Variants in SYT17 observed in about 807,000 individuals in gnomAD.
SYT17 encodes synaptotagmin 17.
A neutral mutation model predicts 46.7 loss-of-function variants in SYT17; 22 were observed. That is an observed-to-expected ratio of 0.47 (90% CI 0.34 to 0.67). The LOEUF (loss-of-function observed/expected upper bound fraction) is 0.67, where lower values mean the gene tolerates loss of function less well. SYT17 is among the 30% of genes least tolerant of loss of function. SYT17 has a pLI of 0.01. For missense variants in SYT17, 519 were observed against 612.8 expected, an observed-to-expected ratio of 0.85 and a Z score of 1.62; for synonymous variants, 251 against 248.4, an observed-to-expected ratio of 1.01 and a Z score of -0.10.
At position 19,251,295 on chromosome 16, in the gene SYT17, C is replaced by T. The variant is rs181040662; in HGVS notation, c.1229-15585C>T. 3.3e-5 allele frequency among the ~76,000 whole-genome samples: 5 copies of T among 152,312 alleles called. No individual in the cohort carries two copies. The East Asian group carries it at 7.7e-4, about 24-fold the overall frequency. On this transcript the variant is annotated intron_variant, in intron 7 of 7. Coordinates refer to ENST00000355377, the MANE Select transcript of SYT17 (RefSeq NM_016524.4). The stretch of plus-strand genomic sequence containing the variant: ...CACAGGCTGGGTCCCAGGTGGGCCT[C>T]CTCCTGTCACTGGGATTTGACACCT...
At chr16:19,205,373 C>T (rs1965626854) in intron 5 of SYT17, among the ~76,000 whole-genome samples, 3 of 152,122 alleles carry the variant, frequency 2.0e-5, no homozygotes, top group Non-Finnish European at 4.4e-5. Context: ...TGCTGTCCCC[C>T]CAGATACCTT....
rs375022285 is a variant in SYT17 at position 19,267,046 on chromosome 16, C to T, written c.1395C>T (p.Arg465=). Residue 465 remains arginine (R), a synonymous_variant, in exon 8 of 8, where the codon CGC becomes CGT. Coordinates refer to ENST00000355377, the MANE Select transcript of SYT17 (RefSeq NM_016524.4). ...TGAGGTCCCGAGCTGAGTGTGACCGCGTGTCTCCTGCCTCCCTGGAGGTGA... is the reference window on the plus strand; with the variant it reads ...TGAGGTCCCGAGCTGAGTGTGACCGTGTGTCTCCTGCCTCCCTGGAGGTGA... ...HSLRSRAECD[R]VSPASLEVT The T allele has an allele frequency of 2.5e-5, 41 of 1,609,112 alleles. No individual in the cohort carries two copies. The highest frequency in any genetic ancestry group is 3.1e-5 in the Non-Finnish European group (36 of 1,179,098).
chr16:19,227,133 T>C (rs1426935258), intron 7 of SYT17, among the ~76,000 whole-genome samples: 1 of 152,148 alleles, frequency 6.6e-6, no homozygotes, highest in Non-Finnish European at 1.5e-5. Flanking sequence ...TTCAGTGAGA[T>C]CAATAAACAC....
At chr16:19,224,627 G>A (rs1356099613) in intron 6 of SYT17, 56 bp from the exon 7 acceptor site, 8 of 1,585,728 alleles carry the variant, frequency 5.0e-6, no homozygotes, top group Non-Finnish European at 6.0e-6. Flanking sequence ...CAGAATGACT[G>A]GACGGATTAG....
chr16:19,230,897 T>C (rs1966656026), intron 7 of SYT17, among the ~76,000 whole-genome samples: 1 of 152,226 alleles, frequency 6.6e-6, no homozygotes, highest in South Asian at 2.1e-4. Context: ...GAAAGTCCTC[T>C]TTAAATATGA....
At chr16:19,196,210 T>A (rs1213198377) in intron 5 of SYT17, among the ~76,000 whole-genome samples, 1 of 151,796 alleles carries the variant, frequency 6.6e-6, no homozygotes, top group Non-Finnish European at 1.5e-5. Flanking sequence ...ACTTTGGTCA[T>A]AACCATGCCC....
At chr16:19,197,576 G>A (rs905472409) in intron 5 of SYT17, among the ~76,000 whole-genome samples, 49 of 152,056 alleles carry the variant, frequency 3.2e-4, no homozygotes, top group African/African-American at 1.1e-3. Context: ...AGCCTCCTGA[G>A]TAGCTGGGAC....
At chr16:19,184,816 T>C (rs928123078) in intron 5 of SYT17, among the ~76,000 whole-genome samples, 7 of 152,142 alleles carry the variant, frequency 4.6e-5, no homozygotes, top group African/African-American at 1.7e-4. Flanking sequence ...CTTTCAGAAA[T>C]TGATTTTTTT....
At chr16:19,191,205 C>CTT (rs903841347) in intron 5 of SYT17, among the ~76,000 whole-genome samples, 14 of 151,860 alleles carry the variant, frequency 9.2e-5, no homozygotes, top group African/African-American at 1.7e-4. Flanking sequence ...TAAACAAACA[C>CTT]TGAACTCTGG....
In SYT17 at chr16:19,211,532, G is replaced by A. The variant is rs1451343382; in HGVS notation, c.952-11513G>A. The A allele has an allele frequency of 3.4e-5, 24 of 699,048 alleles. No individual in the cohort carries two copies. The East Asian group carries it at 6.5e-4, about 19-fold the overall frequency. 43.3% of individuals were successfully genotyped at this position (699,048 alleles called of 1,614,324 possible). A position where few individuals can be genotyped will look rare whatever the true frequency, so the allele number is the denominator to read the frequency against. On this transcript the variant is annotated intron_variant, in intron 5 of 7. Transcript: ENST00000355377. ...GAGGCAGAGGGGTGTTTTCAACTGA[G>A]TGTTAATGGGAAGCTTAGATGAGGA... is the stretch of plus-strand genomic sequence containing the variant.
chr16:19,233,366 TG>T (rs1057379886), intron 7 of SYT17, among the ~76,000 whole-genome samples: 18 of 151,836 alleles, frequency 1.2e-4, no homozygotes, highest in Admixed American at 7.2e-4. Context: ...TTAAAGGGGT[TG>T]GGGGCCAGGC....
chr16:19,209,735 G>A (rs1237075726), intron 5 of SYT17, among the ~76,000 whole-genome samples: 1 of 151,414 alleles, frequency 6.6e-6, no homozygotes. Context: ...AAAATTAGCC[G>A]GGCGTGGTGG....
rs1209076162 is a variant in SYT17 at position 19,267,090 on chromosome 16, G to A, written c.*14G>A. On this transcript the variant is annotated 3_prime_UTR_variant, in exon 8 of 8. Coordinates refer to ENST00000355377, the MANE Select transcript of SYT17 (RefSeq NM_016524.4). The stretch of plus-strand genomic sequence containing the variant: ...GAGGTGACCTGAGGGCTGCAGGGAA[G>A]GCAGCTTTCATTTGTTTAAAAAAAA... 14 of 1,520,824 alleles carry A rather than the reference G, an allele frequency of 9.2e-6. No homozygotes were observed. The highest frequency in any genetic ancestry group is 1.1e-5 in the Non-Finnish European group (13 of 1,138,364). 94.2% of individuals were successfully genotyped at this position (1,520,824 alleles called of 1,614,324 possible). A position where few individuals can be genotyped will look rare whatever the true frequency, so the allele number is the denominator to read the frequency against.
intron 5 of SYT17, among the ~76,000 whole-genome samples, chr16:19,195,202 A>T (rs1965185669): frequency 6.6e-6 from 1 of 152,086 alleles, no homozygotes; most frequent in African/African-American, 2.4e-5. Flanking sequence ...TATTGTGTGA[A>T]CTATTATTAT....
At chr16:19,227,945 C>T (rs1256568243) in intron 7 of SYT17, among the ~76,000 whole-genome samples, 1 of 152,056 alleles carries the variant, frequency 6.6e-6, no homozygotes, top group Non-Finnish European at 1.5e-5. Context: ...GTGTTCGTTG[C>T]CTTCAGATCA....
At position 19,187,216 on chromosome 16, in the gene SYT17, C is replaced by T. The variant is rs532611565; in HGVS notation, c.951+3069C>T. Among the ~76,000 whole-genome samples, 29 of 152,044 alleles carry T rather than the reference C, an allele frequency of 1.9e-4. 1 individual carries two copies. The South Asian group carries it at 2.9e-3, about 15-fold the overall frequency. The stretch of plus-strand genomic sequence containing the variant: ...CACCTGGTTAGTTTTTAAAAAAATA[C>T]ATTTTGCAGAGATGGGGATTTCGCT... On this transcript the variant is annotated intron_variant, in intron 5 of 7. Coordinates refer to ENST00000355377, the MANE Select transcript of SYT17 (RefSeq NM_016524.4).
intron 7 of SYT17, among the ~76,000 whole-genome samples, chr16:19,228,342 C>G (rs1966568437): frequency 6.6e-6 from 1 of 152,158 alleles, no homozygotes; most frequent in Non-Finnish European, 1.5e-5. Flanking sequence ...CCGCTTCTCT[C>G]CTGTAAGTTT....
rs142838908 is a variant in SYT17 at position 19,188,182 on chromosome 16, C to T, written c.951+4035C>T. On this transcript the variant is annotated intron_variant, in intron 5 of 7. Coordinates refer to ENST00000355377, the MANE Select transcript of SYT17 (RefSeq NM_016524.4). ...AAAAAGAACAAGATCATGTCCTTTG[C>T]AAGAACATGGATGGAGCTGGAGGCC... is the stretch of plus-strand genomic sequence containing the variant. Among the ~76,000 whole-genome samples, 821 of 152,174 alleles carry T rather than the reference C, an allele frequency of 5.4e-3. 6 individuals are homozygous for T. The highest frequency in any genetic ancestry group is 0.019 in the African/African-American group (785 of 41,520).
intron 5 of SYT17, among the ~76,000 whole-genome samples, chr16:19,222,331 C>T (rs1966350196): frequency 6.6e-6 from 1 of 151,740 alleles, no homozygotes; most frequent in South Asian, 2.1e-4. Flanking sequence ...AAGTGGGAGG[C>T]CTCCTGTTTT....
Sources: allele counts gnomAD v4.1 joint callset (sites outside exome capture counted in the v4.1 genomes callset), GRCh38; gene constraint gnomAD v4.1.1; transcripts MANE v1.5; gene names NCBI Gene and HGNC (gene_info 2026-07-23, HGNC 2026-07-21).